The following KIFC3 variants were observed in gnomAD, a reference collection of about 807,000 sequenced individuals.
KIFC3 encodes kinesin-like protein KIFC3.
A neutral mutation model predicts 101.8 loss-of-function variants in KIFC3; 60 were observed. The observed-to-expected ratio is 0.59, with a 90% confidence interval of 0.48 to 0.73. The LOEUF is 0.73. KIFC3 is among the 30% of genes least tolerant of loss of function. The pLI, the probability that KIFC3 is intolerant of heterozygous loss-of-function variation, is 0.00. For missense variants in KIFC3, 966 were observed against 1,137.1 expected (o/e 0.85, Z 2.16); for synonymous variants, 476 against 482.7 (o/e 0.99, Z 0.18).
chr16:57,766,637 C>T (rs577054782), intron 10 of KIFC3, among the ~76,000 whole-genome samples: 3 of 152,300 alleles, frequency 2.0e-5, no homozygotes, highest in Non-Finnish European at 4.4e-5. Flanking sequence ...AGTCACCTGC[C>T]CAGGCACTGG....
intron 1 of KIFC3, among the ~76,000 whole-genome samples, chr16:57,818,061 C>CT (rs2055270748): frequency 6.6e-6 from 1 of 151,178 alleles, no homozygotes; most frequent in South Asian, 2.1e-4. Context: ...CAGAGTCTCA[C>CT]TTTTTTGCCC....
intron 11 of KIFC3, among the ~76,000 whole-genome samples, chr16:57,764,959 C>G (rs1383855298): frequency 6.7e-6 from 1 of 148,352 alleles, no homozygotes; most frequent in Admixed American, 6.7e-5. Context: ...GTGGGATGGG[C>G]TGTGATGGTA....
At chr16:57,768,228 C>A (rs563600979) in intron 9 of KIFC3, among the ~76,000 whole-genome samples, 1 of 152,164 alleles carries the variant, frequency 6.6e-6, no homozygotes, top group South Asian at 2.1e-4. Flanking sequence ...CGCCTGTAAT[C>A]CCAGCTATCC....
chr16:57,835,102 G>A (rs1026345825), intron 1 of KIFC3, among the ~76,000 whole-genome samples: 3 of 152,174 alleles, frequency 2.0e-5, no homozygotes, highest in Admixed American at 1.3e-4. Context: ...GAACGGAGGC[G>A]GGTTCTCTCT....
chr16:57,806,428 C>T (rs1555626952), upstream of KIFC3, among the ~76,000 whole-genome samples: 3 of 152,138 alleles, frequency 2.0e-5, no homozygotes, highest in African/African-American at 4.8e-5. Context: ...GCGGGCTCAA[C>T]TCACCCCCTG....
At chr16:57,798,860 G>A (rs551206248) in intron 1 of KIFC3, among the ~76,000 whole-genome samples, 5 of 152,208 alleles carry the variant, frequency 3.3e-5, no homozygotes, top group African/African-American at 4.8e-5. Context: ...ACTAGCCTGC[G>A]CTCTGTGCCT....
Position 57,761,107 on chromosome 16 carries a change from C to T in KIFC3, c.1937G>A (p.Arg646His), listed in dbSNP as rs782779322. 4.3e-6 allele frequency: 7 copies of T among 1,613,796 alleles called. No individual in the cohort carries two copies. The highest frequency in any genetic ancestry group is 2.5e-6 in the Non-Finnish European group (3 of 1,179,976). Residue 646 changes from arginine to histidine, a missense_variant, in exon 15 of 20, where the codon CGC (arginine) becomes CAC (histidine). This residue lies in a region of KIFC3 where 689 missense variants were observed against 884.6 expected (regional missense o/e 0.78). Coordinates refer to ENST00000445690, the MANE Select transcript of KIFC3 (RefSeq NM_001130100.2). Reference protein sequence around the residue: ...EFTNLNEHSSRSHALLIVTVR... With the variant: ...EFTNLNEHSSHSHALLIVTVR... ...CGTCACGATGAGCAGCGCGTGCGAG[C>T]GGGAGCTGTGCTCGTTCAGGTTGGT...
At chr16:57,807,234 A>AC (rs1357708943), upstream of KIFC3, among the ~76,000 whole-genome samples, 1 of 150,924 alleles carries the variant, frequency 6.6e-6, no homozygotes, top group African/African-American at 2.4e-5. Flanking sequence ...AAAAAAAAAA[A>AC]CCCCGTGGAA....
At chr16:57,856,204 G>A (rs1220100614) in intron 1 of KIFC3, among the ~76,000 whole-genome samples, 3 of 151,780 alleles carry the variant, frequency 2.0e-5, no homozygotes, top group Admixed American at 6.6e-5. Flanking sequence ...AAAAAGGCTG[G>A]GCACAGTGGC....
chr16:57,802,702 G>A, upstream of KIFC3: 2 of 833,598 alleles, frequency 2.4e-6, no homozygotes, highest in Admixed American at 2.9e-5. This position sits in a 1 kb window ranked among gnomAD's most constrained non-coding sequence, Gnocchi z 5.0. Context: ...GGTCTCTCCC[G>A]CCTCCCCGCG....
chr16:57,758,282 A>T lies in KIFC3; in HGVS notation c.*652T>A. 1 of 238,086 alleles carries T rather than the reference A, an allele frequency of 4.2e-6. No individual in the cohort carries two copies. The highest frequency in any genetic ancestry group is 1.7e-3 in the Middle Eastern group (1 of 606). The allele number at this position is 238,086 out of a possible 1,614,324, so 14.7% of individuals were successfully genotyped here. On this transcript the variant is annotated 3_prime_UTR_variant, in exon 20 of 20. Coordinates refer to ENST00000445690, the MANE Select transcript of KIFC3 (RefSeq NM_001130100.2). ...GCTAAGCTTCCAAAAGTTCTTAAAT[A>T]GGATTTCAGAGGGAAGAAAATTCGA...
At chr16:57,855,365 T>A (rs1346404230) in intron 1 of KIFC3, among the ~76,000 whole-genome samples, 1 of 151,926 alleles carries the variant, frequency 6.6e-6, no homozygotes. Context: ...CCTCATGTGA[T>A]CTACCCGCCT....
upstream of KIFC3, chr16:57,807,705 G>A (rs1410879740): frequency 6.6e-6 from 1 of 152,002 alleles, no homozygotes; most frequent in Non-Finnish European, 1.5e-5. Flanking sequence ...TGGCTCATGA[G>A]ACAGGAGGAT....
intron 1 of KIFC3, among the ~76,000 whole-genome samples, chr16:57,814,096 G>A (rs1043054033): frequency 9.2e-5 from 14 of 152,154 alleles, no homozygotes; most frequent in African/African-American, 3.4e-4. Context: ...TCCTCAGCAT[G>A]CATTCAGAGC....
chr16:57,848,512 T>A (rs772637690), intron 1 of KIFC3, among the ~76,000 whole-genome samples: 19 of 152,156 alleles, frequency 1.2e-4, no homozygotes, highest in Non-Finnish European at 2.9e-5. Flanking sequence ...CCTGTAGTCC[T>A]AGCTATTGGG....
At chr16:57,777,651 G>A (rs1555612422) in intron 3 of KIFC3, among the ~76,000 whole-genome samples, 1 of 151,974 alleles carries the variant, frequency 6.6e-6, no homozygotes, top group Non-Finnish European at 1.5e-5. Flanking sequence ...AACCCGAGAG[G>A]CAGAGGTCGC....
chr16:57,785,719 G>A (rs2051482228), intron 3 of KIFC3: 3 of 1,092,364 alleles, frequency 2.7e-6, no homozygotes. Context: ...CACGCTGGCA[G>A]AGGAGGGGGT....
intron 6 of KIFC3, 59 bp downstream of exon 6, chr16:57,771,139 C>A: frequency 1.3e-6 from 2 of 1,595,182 alleles, no homozygotes; most frequent in Non-Finnish European, 8.5e-7. Flanking sequence ...ATGGGCTAGC[C>A]CTGCCCCAGG....
At chr16:57,824,864 G>A (rs191126403) in intron 1 of KIFC3, among the ~76,000 whole-genome samples, 20 of 152,166 alleles carry the variant, frequency 1.3e-4, no homozygotes, top group Admixed American at 3.3e-4. Context: ...GGTTGGTCTC[G>A]ATCTCCTGGC....
Sources: gnomAD v4.1 joint callset for allele counts (sites outside exome capture counted in the v4.1 genomes callset) on GRCh38, gnomAD v4.1.1 for gene constraint, gnomAD v4.1.1 regional missense constraint, Gnocchi (gnomAD v3.1) non-coding constraint, MANE v1.5 for transcripts, NCBI Gene and HGNC (gene_info 2026-07-23, HGNC 2026-07-21) for gene names.